The following PCDHGA5 variants were observed in gnomAD, a reference collection of about 807,000 sequenced individuals.
PCDHGA5 encodes the protein protocadherin gamma subfamily A, 5.
PCDHGA5 carries 36 observed loss-of-function variants against 56.7 expected under a neutral mutation model. The ratio of observed to expected loss-of-function variants is 0.64; its 90% confidence interval spans 0.49 to 0.84. PCDHGA5 has a LOEUF of 0.84. Among genes scored for constraint, PCDHGA5 ranks in the 40% least tolerant of loss-of-function variants. The pLI, the probability that PCDHGA5 is intolerant of heterozygous loss-of-function variation, is 0.00. For missense variants in PCDHGA5, 1,305 were observed against 1,201.5 expected (o/e 1.09, Z -1.27); for synonymous variants, 563 against 520.2 (o/e 1.08, Z -1.12).
At chr5:141,443,980 T>A (rs2098412674) in intron 1 of PCDHGA5, among the ~76,000 whole-genome samples, 1 of 152,036 alleles carries the variant, frequency 6.6e-6, no homozygotes, top group South Asian at 2.1e-4. Context: ...CTAAGCTATG[T>A]TAATTTTATT....
intron 1 of PCDHGA5, chr5:141,409,395 C>T: frequency 6.2e-7 from 1 of 1,614,030 alleles, no homozygotes; most frequent in South Asian, 1.1e-5. Flanking sequence ...TATTCTTCTT[C>T]CAATAACTAC....
chr5:141,509,132 G>A (rs1261849657), intron 3 of PCDHGA5, among the ~76,000 whole-genome samples: 1 of 152,150 alleles, frequency 6.6e-6, no homozygotes, highest in Admixed American at 6.5e-5. Flanking sequence ...GAGAAAAACC[G>A]AGGCGCATCC....
rs376067853 is a variant in PCDHGA5, at chr5:141,408,397, G to C, written c.2421+41646G>C. 261 of 1,614,068 alleles carry C rather than the reference G, an allele frequency of 1.6e-4. 1 individual carries two copies. In the East Asian group the frequency reaches 5.2e-3, roughly 32 times the overall value. On this transcript the variant is annotated intron_variant, in intron 1 of 3. Coordinates refer to ENST00000518069, the MANE Select transcript of PCDHGA5 (RefSeq NM_018918.3). The stretch of plus-strand genomic sequence containing the variant: ...GTGTCCTGGATGTGTCGGCTCGCAA[G>C]CTGCGAGTGAGCGCGGAGAAGCTGC...
At chr5:141,463,335 A>G (rs565781645) in intron 1 of PCDHGA5, among the ~76,000 whole-genome samples, 3 of 149,628 alleles carry the variant, frequency 2.0e-5, no homozygotes, top group South Asian at 2.1e-4. Context: ...CAGCAAAACC[A>G]TGGTGTTATT....
At chr5:141,505,347 T>C in intron 2 of PCDHGA5, 46 bp from the exon 3 acceptor site, 4 of 1,613,346 alleles carry the variant, frequency 2.5e-6, no homozygotes, top group Non-Finnish European at 2.5e-6. Context: ...GGGCATGAGC[T>C]GTGCCGGCCT....
rs1413324509 is a variant in PCDHGA5 at position 141,431,464 on chromosome 5, G to T, written c.2422-63343G>T. The T allele has an allele frequency of 6.2e-7, 1 of 1,613,782 alleles. No homozygotes were observed. The highest frequency in any genetic ancestry group is 2.2e-5 in the East Asian group (1 of 44,880). ...GCATCCGCGTGATGGTTCTGGATGC[G>T]AACGACAACGCACCAGCGTTTGCTC... On this transcript the variant is annotated intron_variant, in intron 1 of 3. Transcript: ENST00000518069. This position sits in a 1 kb window ranked among gnomAD's most constrained non-coding sequence, Gnocchi z 4.8.
Position 141,431,135 on chromosome 5 carries a change from A to C in PCDHGA5, c.2422-63672A>C. ...TGGAGTAGAAGTAGAAGTAAGGGAC[A>C]TTAACGACAATGCGCCTTACTTTCG... On this transcript the variant is annotated intron_variant, in intron 1 of 3. Coordinates refer to ENST00000518069, the MANE Select transcript of PCDHGA5 (RefSeq NM_018918.3). The surrounding 1 kb of genome is among the most constrained non-coding windows in gnomAD (Gnocchi z 4.8). 1 of 1,614,266 alleles carries C rather than the reference A, an allele frequency of 6.2e-7. No homozygotes were observed. Among genetic ancestry groups the C allele is most frequent in the Non-Finnish European group, 8.5e-7 (1 of 1,180,042 alleles).
chr5:141,405,106 C>T, intron 1 of PCDHGA5: 1 of 1,613,964 alleles, frequency 6.2e-7, no homozygotes, highest in South Asian at 1.1e-5. Context: ...GGCTGAGGCA[C>T]TGGCACTCCT....
chr5:141,394,077 G>T (rs2092915591), intron 1 of PCDHGA5: 2 of 1,613,828 alleles, frequency 1.2e-6, no homozygotes, highest in Non-Finnish European at 1.7e-6. Context: ...CAATATCACA[G>T]TGATGGCCTC....
At chr5:141,419,187 C>G (rs1179461161) in intron 1 of PCDHGA5, 4 of 1,614,024 alleles carry the variant, frequency 2.5e-6, no homozygotes, top group Non-Finnish European at 2.5e-6. Context: ...CTGCACATTA[C>G]TGACGTCAAT....
intron 1 of PCDHGA5, chr5:141,393,859 T>A (rs1348760722): frequency 1.9e-6 from 3 of 1,613,994 alleles, no homozygotes; most frequent in Non-Finnish European, 2.5e-6. Flanking sequence ...GAAGTGATCA[T>A]TACGTCTTTG....
intron 1 of PCDHGA5, among the ~76,000 whole-genome samples, chr5:141,445,007 G>A (rs771023003): frequency 1.5e-4 from 23 of 151,994 alleles, no homozygotes; most frequent in Non-Finnish European, 2.4e-4. Flanking sequence ...ATTTAATTAG[G>A]TCTTTAATTT....
chr5:141,441,838 C>A, intron 1 of PCDHGA5: 1 of 355,582 alleles, frequency 2.8e-6, no homozygotes, highest in Non-Finnish European at 5.5e-6. Context: ...TGGCTTCGCG[C>A]TCTTGGATAT....
intron 2 of PCDHGA5, among the ~76,000 whole-genome samples, chr5:141,497,980 G>A (rs983045402): frequency 2.0e-5 from 3 of 152,168 alleles, no homozygotes; most frequent in African/African-American, 7.2e-5. Context: ...GATGTGGGAG[G>A]CCCCTGCCCT....
rs554119295 is a variant in PCDHGA5 at position 141,482,963 on chromosome 5, C to T, written c.2422-11844C>T. 1.7e-4 allele frequency among the ~76,000 whole-genome samples: 10 copies of T among 57,958 alleles called. No homozygotes were observed. In the South Asian group the frequency reaches 4.5e-3, roughly 26 times the overall value. 38.0% of individuals were successfully genotyped at this position (57,958 alleles called of 152,430 possible). On this transcript the variant is annotated intron_variant, in intron 1 of 3. Coordinates refer to ENST00000518069, the MANE Select transcript of PCDHGA5 (RefSeq NM_018918.3). The stretch of plus-strand genomic sequence containing the variant: ...TTGTGGGTGCCTGTAATTCCAGCTA[C>T]TTGAGCAGCTACTTGAGAGGTCGAG...
chr5:141,384,614 C>T, intron 1 of PCDHGA5: 1 of 1,614,222 alleles, frequency 6.2e-7, no homozygotes, highest in Non-Finnish European at 8.5e-7. Context: ...ACAGATGGTT[C>T]TACTGGCATG....
At chr5:141,510,311 C>T (rs375516156) in intron 3 of PCDHGA5, among the ~76,000 whole-genome samples, 98 of 151,056 alleles carry the variant, frequency 6.5e-4, no homozygotes, top group African/African-American at 2.3e-3. Flanking sequence ...GAAATGGAGG[C>T]TTGGAAGAGC....
At position 141,487,047 on chromosome 5, in the gene PCDHGA5, C is replaced by T; in HGVS notation, c.2422-7760C>T. The T allele has an allele frequency of 6.2e-7, 1 of 1,614,188 alleles. No individual in the cohort carries two copies. Among genetic ancestry groups the T allele is most frequent in the Non-Finnish European group, 8.5e-7 (1 of 1,180,032 alleles). ...AGCCTGTTTGCAGTCTCTCGATATGCTGGGGAGGTGCGGACGGCTGTTCCT... is the reference window on the plus strand; with the variant it reads ...AGCCTGTTTGCAGTCTCTCGATATGTTGGGGAGGTGCGGACGGCTGTTCCT... On this transcript the variant is annotated intron_variant, in intron 1 of 3. Coordinates refer to ENST00000518069, the MANE Select transcript of PCDHGA5 (RefSeq NM_018918.3). This position sits in a 1 kb window ranked among gnomAD's most constrained non-coding sequence, Gnocchi z 5.0.
chr5:141,510,821 C>G, intron 3 of PCDHGA5, 126 bp from the exon 4 acceptor site: 2 of 1,559,324 alleles, frequency 1.3e-6, no homozygotes, highest in Non-Finnish European at 1.7e-6. Context: ...CCCCTATATT[C>G]CCAGTGCTCA....
Sources: allele counts gnomAD v4.1 joint callset (sites outside exome capture counted in the v4.1 genomes callset), GRCh38; gene constraint gnomAD v4.1.1; non-coding constraint Gnocchi (gnomAD v3.1); transcripts MANE v1.5; gene names NCBI Gene and HGNC (gene_info 2026-07-23, HGNC 2026-07-21).